Variants in CASK observed in about 807,000 individuals in gnomAD.
CASK encodes peripheral plasma membrane protein CASK.
A neutral mutation model predicts 82.9 loss-of-function variants in CASK; 4 were observed. That is an observed-to-expected ratio of 0.05 (90% CI 0.02 to 0.11). CASK has a LOEUF of 0.11. CASK is among the 10% of genes least tolerant of loss of function. The probability of loss-of-function intolerance (pLI) is 1.00; values close to 1 mark genes in which losing one functional copy is unlikely to be tolerated. For missense variants in CASK, 358 were observed against 720.9 expected (o/e 0.50, Z 5.76); for synonymous variants, 259 against 253.5 (o/e 1.02, Z -0.20).
intron 12 of CASK, among the ~76,000 whole-genome samples, chrX:41,603,358 T>C (rs902417941): frequency 8.9e-6 from 1 of 112,172 alleles, no homozygotes; most frequent in African/African-American, 3.2e-5. Flanking sequence ...ATATGGCTAC[T>C]AATTTAATGT....
At chrX:41,531,249 C>A (rs1039408249) in intron 24 of CASK, 40 bp from the exon 25 acceptor site, 2 of 1,029,230 alleles carry the variant, frequency 1.9e-6, no homozygotes, top group East Asian at 6.0e-5. Flanking sequence ...AAAGGCTGAG[C>A]TGATGAGCTT....
chrX:41,622,734 G>A (rs925290376), intron 10 of CASK, 100 bp from the exon 11 acceptor site: 6 of 636,272 alleles, frequency 9.4e-6, no homozygotes, highest in African/African-American at 2.2e-5. Flanking sequence ...GCCACCAGAA[G>A]CATGGTCCCC....
At chrX:41,813,437 A>G (rs1261382927) in intron 2 of CASK, among the ~76,000 whole-genome samples, 1 of 110,863 alleles carries the variant, frequency 9.0e-6, no homozygotes, top group African/African-American at 3.3e-5. Context: ...AAATAATACC[A>G]CACATCTACA....
intron 2 of CASK, among the ~76,000 whole-genome samples, chrX:41,788,590 C>A (rs1359860423): frequency 9.0e-6 from 1 of 111,410 alleles, no homozygotes; most frequent in Non-Finnish European, 1.9e-5. Context: ...TAGATGGAAC[C>A]TTAGAAGATT....
At chrX:41,862,602 T>A (rs1150383) in intron 1 of CASK, among the ~76,000 whole-genome samples, 17,166 of 103,896 alleles carry the variant, frequency 0.17, 1,429 homozygotes, top group Middle Eastern at 0.27. Flanking sequence ...TTGGTACTGC[T>A]AGCATGAAAA....
chrX:41,573,931 G>A (rs1280089246), intron 15 of CASK, among the ~76,000 whole-genome samples: 2 of 111,051 alleles, frequency 1.8e-5, no homozygotes, highest in East Asian at 2.8e-4. Context: ...TTCCCTGAGC[G>A]CTCTACACAA....
At chrX:41,681,727 C>T (rs1167977046) in intron 5 of CASK, among the ~76,000 whole-genome samples, 1 of 110,546 alleles carries the variant, frequency 9.0e-6, no homozygotes, top group Non-Finnish European at 1.9e-5. Flanking sequence ...GGTGGATCAC[C>T]TGAGGTCAGG....
intron 2 of CASK, among the ~76,000 whole-genome samples, chrX:41,838,379 C>A (rs753670516): frequency 1.8e-5 from 2 of 111,884 alleles, no homozygotes; most frequent in African/African-American, 6.5e-5. Flanking sequence ...TTTTCATCTA[C>A]GAATTGTGCA....
chrX:41,722,334 T>C (rs987281252), intron 5 of CASK, among the ~76,000 whole-genome samples: 12 of 112,185 alleles, frequency 1.1e-4, no homozygotes, highest in African/African-American at 3.2e-4. Context: ...GTGTGACCAA[T>C]AGAATACTGC....
intron 5 of CASK, among the ~76,000 whole-genome samples, chrX:41,710,081 T>TTGTGTGTGTGTGTG (rs57963407): frequency 0.033 from 2,383 of 72,111 alleles, 64 homozygotes; most frequent in Non-Finnish European, 0.04. Context: ...GGTATAGATT[T>TTGTGTGTGTGTGTG]TGTGTGTGTG....
chrX:41,589,055 A>G (rs2065704714), intron 13 of CASK, among the ~76,000 whole-genome samples: 1 of 112,252 alleles, frequency 8.9e-6, no homozygotes, highest in South Asian at 3.7e-4. Context: ...TTTCTATCAT[A>G]AATAGGTTTT....
intron 14 of CASK, chrX:41,586,695 G>T (rs898553378): frequency 2.3e-5 from 9 of 392,015 alleles, no homozygotes; most frequent in Non-Finnish European, 4.0e-5. Context: ...TCCCTGAAAA[G>T]CCACTTCACC....
At chrX:41,880,820 T>C (rs1194528461) in intron 1 of CASK, among the ~76,000 whole-genome samples, 1 of 111,912 alleles carries the variant, frequency 8.9e-6, no homozygotes, top group East Asian at 2.8e-4. Context: ...TTACACTTTA[T>C]TTAACAATGC....
At chrX:41,572,858 T>C (rs949332132) in intron 15 of CASK, among the ~76,000 whole-genome samples, 2 of 111,182 alleles carry the variant, frequency 1.8e-5, no homozygotes, top group East Asian at 2.8e-4. Context: ...GTGGGTCTTA[T>C]AGTGTGGGTC....
chrX:41,816,061 T>C (rs1305375612), intron 2 of CASK, among the ~76,000 whole-genome samples: 1 of 111,257 alleles, frequency 9.0e-6, no homozygotes, highest in Non-Finnish European at 1.9e-5. Flanking sequence ...GGTTTTGCCA[T>C]GTTGCCCAGG....
At chrX:41,526,315 CA>C (rs1656779817) in intron 25 of CASK, among the ~76,000 whole-genome samples, 1 of 111,432 alleles carries the variant, frequency 9.0e-6, no homozygotes, top group African/African-American at 3.3e-5. Flanking sequence ...CTTCTATCCC[CA>C]AAGCTACTCT....
At chrX:41,709,872 A>T (rs968628971) in intron 5 of CASK, among the ~76,000 whole-genome samples, 1 of 110,798 alleles carries the variant, frequency 9.0e-6, no homozygotes, top group African/African-American at 3.3e-5. Context: ...CCCTTGATTA[A>T]GGACAGGAAG....
At chrX:41,542,140 A>G (rs1016641239) in intron 22 of CASK, among the ~76,000 whole-genome samples, 6 of 112,778 alleles carry the variant, frequency 5.3e-5, no homozygotes, top group African/African-American at 1.6e-4. Flanking sequence ...CTCTTGTGGT[A>G]GCTTGGAAAT....
At chrX:41,783,785 A>G (rs1431090034) in intron 3 of CASK, among the ~76,000 whole-genome samples, 1 of 111,742 alleles carries the variant, frequency 8.9e-6, no homozygotes, top group Non-Finnish European at 1.9e-5. Flanking sequence ...CCACTTGTTG[A>G]TTCTAGTTAC....
Sources: gnomAD v4.1 joint callset for allele counts (sites outside exome capture counted in the v4.1 genomes callset) on GRCh38, gnomAD v4.1.1 for gene constraint, MANE v1.5 for transcripts, NCBI Gene and HGNC (gene_info 2026-07-23, HGNC 2026-07-21) for gene names.